PPP2R3A: variants seen among roughly 807,000 people sequenced by gnomAD.
PPP2R3A encodes serine/threonine-protein phosphatase 2A regulatory subunit B'' subunit alpha.
In PPP2R3A, 80 loss-of-function variants were observed where a neutral mutation model predicts 106.9. That is an observed-to-expected ratio of 0.75 (90% CI 0.62 to 0.90). The LOEUF is 0.90. Among genes scored for constraint, PPP2R3A ranks in the 40% least tolerant of loss-of-function variants. PPP2R3A has a pLI of 0.00. For missense variants in PPP2R3A, 1,386 were observed against 1,350.4 expected (o/e 1.03, Z -0.41); for synonymous variants, 483 against 468.3 (o/e 1.03, Z -0.41).
intron 3 of PPP2R3A, among the ~76,000 whole-genome samples, chr3:136,032,614 A>G (rs910713978): frequency 2.0e-5 from 3 of 151,634 alleles, no homozygotes; most frequent in Admixed American, 1.3e-4. Flanking sequence ...TGCAGACTGC[A>G]AGCTCTGCCT....
chr3:136,117,494 A>G (rs941576036), intron 13 of PPP2R3A, among the ~76,000 whole-genome samples: 1 of 152,058 alleles, frequency 6.6e-6, no homozygotes, highest in African/African-American at 2.4e-5. Context: ...AGACTAATAA[A>G]GAAGAAAAGA....
chr3:135,987,455 T>G (rs983209917), intron 1 of PPP2R3A, among the ~76,000 whole-genome samples: 4 of 152,148 alleles, frequency 2.6e-5, no homozygotes, highest in Non-Finnish European at 4.4e-5. Context: ...ATGCTTGCTC[T>G]TTGTTTCAGA....
At chr3:136,070,797 A>G (rs977885464) in intron 6 of PPP2R3A, among the ~76,000 whole-genome samples, 4 of 152,192 alleles carry the variant, frequency 2.6e-5, no homozygotes. Flanking sequence ...CTTATGAGGC[A>G]TATCTTTTTC....
intron 13 of PPP2R3A, among the ~76,000 whole-genome samples, chr3:136,113,435 G>C (rs1403184516): frequency 2.0e-5 from 3 of 152,172 alleles, no homozygotes; most frequent in Admixed American, 6.5e-5. Flanking sequence ...ATATGCATTA[G>C]ATTGAAACTG....
At chr3:136,101,138 C>G (rs1937348689) in intron 10 of PPP2R3A, among the ~76,000 whole-genome samples, 1 of 152,096 alleles carries the variant, frequency 6.6e-6, no homozygotes, top group South Asian at 2.1e-4. Context: ...TCAGAAGCAA[C>G]CAAGGAAGAC....
At chr3:136,012,011 ACACT>A (rs1333583463) in intron 2 of PPP2R3A, among the ~76,000 whole-genome samples, 1 of 151,738 alleles carries the variant, frequency 6.6e-6, no homozygotes, top group African/African-American at 2.4e-5. Context: ...ACACACACAC[ACACT>A]CTCCACCAAG....
At chr3:135,968,042 G>A (rs1333913364) in intron 1 of PPP2R3A, among the ~76,000 whole-genome samples, 1 of 152,188 alleles carries the variant, frequency 6.6e-6, no homozygotes, top group Non-Finnish European at 1.5e-5. Context: ...ACTGTTGTGA[G>A]CAGACTGCTG....
At chr3:136,072,446 G>A (rs1019488026) in intron 6 of PPP2R3A, among the ~76,000 whole-genome samples, 1 of 152,118 alleles carries the variant, frequency 6.6e-6, no homozygotes, top group African/African-American at 2.4e-5. Context: ...ATAAAAATTA[G>A]CCAGGTGTGG....
chr3:136,104,175 G>A (rs570886121), intron 12 of PPP2R3A, among the ~76,000 whole-genome samples: 3 of 152,146 alleles, frequency 2.0e-5, no homozygotes, highest in South Asian at 2.1e-4. Context: ...AGAATTTATC[G>A]CCTTCCAAAA....
At chr3:136,037,723 G>A (rs980483399) in intron 3 of PPP2R3A, among the ~76,000 whole-genome samples, 1 of 152,118 alleles carries the variant, frequency 6.6e-6, no homozygotes, top group African/African-American at 2.4e-5. Flanking sequence ...ACAAACATTG[G>A]GTAATCATCC....
At chr3:136,073,735 A>C (rs1451643602) in intron 6 of PPP2R3A, among the ~76,000 whole-genome samples, 1 of 152,266 alleles carries the variant, frequency 6.6e-6, no homozygotes, top group Non-Finnish European at 1.5e-5. Flanking sequence ...TGGAAATAGA[A>C]TTGTATTAGA....
intron 1 of PPP2R3A, among the ~76,000 whole-genome samples, chr3:135,967,036 GTTTC>G (rs1360946583): frequency 6.6e-6 from 1 of 151,898 alleles, no homozygotes; most frequent in Admixed American, 6.5e-5. Flanking sequence ...AATTATCTCA[GTTTC>G]TTTCAGTAGT....
intron 13 of PPP2R3A, among the ~76,000 whole-genome samples, chr3:136,134,752 T>C (rs1938541324): frequency 7.1e-6 from 1 of 139,972 alleles, no homozygotes; most frequent in South Asian, 2.3e-4. Context: ...GGGAAAAAAT[T>C]ATTTTTCTCC....
At chr3:136,099,519 C>G (rs1431939917) in intron 10 of PPP2R3A, among the ~76,000 whole-genome samples, 1 of 151,754 alleles carries the variant, frequency 6.6e-6, no homozygotes, top group East Asian at 1.9e-4. Flanking sequence ...TTCAGGAAAC[C>G]AAAAAGCTCT....
intron 10 of PPP2R3A, among the ~76,000 whole-genome samples, chr3:136,096,180 T>C (rs190686823): frequency 1.3e-5 from 2 of 152,304 alleles, no homozygotes; most frequent in African/African-American, 2.4e-5. Context: ...TTTCACCCCA[T>C]TGTAAAGTCA....
intron 4 of PPP2R3A, among the ~76,000 whole-genome samples, 182 bp downstream of exon 4, chr3:136,041,144 TTATC>T (rs892811059): frequency 7.2e-5 from 11 of 152,240 alleles, no homozygotes; most frequent in Non-Finnish European, 8.8e-5. Flanking sequence ...CCACAAGCCT[TTATC>T]TAACCTCTTT....
At chr3:135,966,376 G>T (rs1182061390) in intron 1 of PPP2R3A, among the ~76,000 whole-genome samples, 1 of 152,170 alleles carries the variant, frequency 6.6e-6, no homozygotes, top group South Asian at 2.1e-4. Context: ...TCCGGGCCGC[G>T]GACGGGATTC....
chr3:135,975,374 G>C (rs1937389351), intron 1 of PPP2R3A, among the ~76,000 whole-genome samples: 1 of 152,128 alleles, frequency 6.6e-6, no homozygotes. Flanking sequence ...AAACCTACAG[G>C]CCTTTATGTG....
chr3:136,080,071 A>T (rs1181961370), intron 7 of PPP2R3A, among the ~76,000 whole-genome samples: 1 of 152,102 alleles, frequency 6.6e-6, no homozygotes, highest in Non-Finnish European at 1.5e-5. Flanking sequence ...TCTTATATAC[A>T]TGTAGTATAT....
Sources: allele counts gnomAD v4.1 joint callset (sites outside exome capture counted in the v4.1 genomes callset), GRCh38; gene constraint gnomAD v4.1.1; transcripts MANE v1.5; gene names NCBI Gene and HGNC (gene_info 2026-07-23, HGNC 2026-07-21).